B3GAT1: variants seen among roughly 807,000 people sequenced by gnomAD.
B3GAT1 encodes beta-1,3-glucuronyltransferase 1.
Under a neutral mutation model 28.4 loss-of-function variants are expected in B3GAT1, and 11 were observed. That is an observed-to-expected ratio of 0.39 (90% CI 0.24 to 0.64). The LOEUF (loss-of-function observed/expected upper bound fraction) is 0.64, where lower values mean the gene tolerates loss of function less well. B3GAT1 is among the 30% of genes least tolerant of loss of function. The probability of loss-of-function intolerance (pLI) is 0.50; values close to 1 mark genes in which losing one functional copy is unlikely to be tolerated. For missense variants in B3GAT1, 375 were observed against 491.0 expected (o/e 0.76, Z 2.23); for synonymous variants, 255 against 223.1 (o/e 1.14, Z -1.27).
chr11:134,399,224 C>T (rs899633613), intron 1 of B3GAT1, among the ~76,000 whole-genome samples: 2 of 152,200 alleles, frequency 1.3e-5, no homozygotes, highest in Non-Finnish European at 2.9e-5. Context: ...GTAGAATCAG[C>T]CGTGCACATC....
chr11:134,402,897 A>T (rs990895593), intron 1 of B3GAT1, among the ~76,000 whole-genome samples: 9 of 149,180 alleles, frequency 6.0e-5, no homozygotes, highest in African/African-American at 2.3e-4. Context: ...TGGGCAACAG[A>T]GCGAGACTCT....
At chr11:134,389,942 C>G (rs1038983748) in intron 1 of B3GAT1, 5 of 152,246 alleles carry the variant, frequency 3.3e-5, no homozygotes, top group African/African-American at 1.2e-4. Flanking sequence ...GCATCCCCTC[C>G]ATTAAGGAGC....
At position 134,384,168 on chromosome 11, in the gene B3GAT1, G is replaced by A. The variant is rs753312357; in HGVS notation, c.133C>T (p.Arg45Cys). ...VHKDEGSDPRRETPPGADPRE... is the reference protein window; with the variant it reads ...VHKDEGSDPRCETPPGADPRE... ...GGGTCGGCGCCGGGCGGCGTTTCGCGTCGGGGGTCACTGCCCTCATCTGCG... is the reference window on the plus strand; with the variant it reads ...GGGTCGGCGCCGGGCGGCGTTTCGCATCGGGGGTCACTGCCCTCATCTGCG... Residue 45 changes from arginine (R) to cysteine (C), a missense_variant, in exon 3 of 6, where the codon CGC becomes TGC. Transcript: ENST00000312527. 1.3e-6 allele frequency: 2 copies of A among 1,547,872 alleles called. No homozygotes were observed. Among genetic ancestry groups the A allele is most frequent in the African/African-American group, 1.3e-5 (1 of 74,310 alleles).
At position 134,383,853 on chromosome 11, in the gene B3GAT1, G is replaced by C. The variant is rs751288572; in HGVS notation, c.448C>G (p.Arg150Gly). The C allele has an allele frequency of 1.3e-6, 2 of 1,595,958 alleles. No homozygotes were observed. The highest frequency in any genetic ancestry group is 1.7e-5 in the Admixed American group (1 of 58,882). Reference protein sequence around the residue: ...NYTHLHVETPRNYKLRGDARD... With the variant: ...NYTHLHVETPGNYKLRGDARD... ...GCGTCTCCGCGCAGCTTGTAGTTGC[G>C]GGGCGTCTCCACGTGCAGGTGCGTG... The change falls in exon 3 of 6, where the codon CGC (arginine) becomes GGC (glycine). Residue 150 changes from arginine (R) to glycine (G), a missense_variant. Physicochemically the swap from Arg to Gly is moderately radical, Grantham distance 125. Transcript: ENST00000312527.
In B3GAT1 at chr11:134,382,992, C is replaced by G. The variant is rs149652609; in HGVS notation, c.636G>C (p.Arg212Ser). The part of the protein sequence containing the change: ...LELFEEMRST[R>S]RVSVWPVAFV... ...AGGCGACGGGCCACACGGACACCCT[C>G]CTGGTGCTGCGCATCTACAAGGGGG... Residue 212 changes from arginine (R) to serine (S), a missense_variant, in exon 4 of 6, where the codon AGG becomes AGC. Arg to Ser is a moderately radical substitution (Grantham distance 110). Transcript: ENST00000312527. 2.2e-5 allele frequency: 35 copies of G among 1,570,476 alleles called. No individual in the cohort carries two copies. Among genetic ancestry groups the G allele is most frequent in the Non-Finnish European group, 2.9e-5 (33 of 1,156,514 alleles).
chr11:134,382,233 G>A lies in B3GAT1; in HGVS notation c.919-209C>T, dbSNP rs543136839. ...CCCCTCATTTTTGCTGTTTTTACAT[G>A]TGATGCCTTCGGAATACCTGCTGGA... On this transcript the variant is annotated intron_variant, in intron 4 of 5. Transcript: ENST00000312527. Among the ~76,000 whole-genome samples the A allele has an allele frequency of 2.6e-5, 4 of 152,232 alleles. No individual in the cohort carries two copies. In the East Asian group the frequency reaches 5.8e-4, roughly 22 times the overall value.
At chr11:134,384,256 C>G in intron 2 of B3GAT1, 68 bp from the exon 3 acceptor site, 1 of 1,471,298 alleles carries the variant, frequency 6.8e-7, no homozygotes, top group East Asian at 2.4e-5. Context: ...CAGAGCGGGA[C>G]GCCACCCACC....
At chr11:134,383,068 C>A in intron 3 of B3GAT1, 62 bp from the exon 4 acceptor site, 1 of 1,464,116 alleles carries the variant, frequency 6.8e-7, no homozygotes, top group South Asian at 1.4e-5. Context: ...CCGCGCGTGC[C>A]CAAGGGAGGC....
At chr11:134,394,263 C>T (rs1944462831) in intron 1 of B3GAT1, among the ~76,000 whole-genome samples, 1 of 152,232 alleles carries the variant, frequency 6.6e-6, no homozygotes. Flanking sequence ...CCCAGTCCCT[C>T]GATGTTCAGA....
intron 1 of B3GAT1, among the ~76,000 whole-genome samples, chr11:134,395,109 C>G (rs986734205): frequency 2.6e-5 from 4 of 152,172 alleles, no homozygotes; most frequent in Non-Finnish European, 4.4e-5. Context: ...AGCAGTTCAT[C>G]CACTCACCCC....
chr11:134,407,560 G>A (rs1201505746), intron 1 of B3GAT1, among the ~76,000 whole-genome samples: 2 of 152,230 alleles, frequency 1.3e-5, no homozygotes, highest in African/African-American at 4.8e-5. Flanking sequence ...TCTTGATCCA[G>A]ACTCATACTC....
intron 1 of B3GAT1, among the ~76,000 whole-genome samples, chr11:134,399,449 C>T (rs1171042517): frequency 6.6e-6 from 1 of 152,216 alleles, no homozygotes; most frequent in Admixed American, 6.5e-5. Context: ...CACCACAGGG[C>T]GCCTGCTCAG....
At chr11:134,407,863 C>T (rs1170992031) in intron 1 of B3GAT1, among the ~76,000 whole-genome samples, 1 of 152,158 alleles carries the variant, frequency 6.6e-6, no homozygotes, top group Non-Finnish European at 1.5e-5. Context: ...ACCGTAAGTG[C>T]TTGGTCAGTG....
At chr11:134,399,425 A>C (rs1944566371) in intron 1 of B3GAT1, among the ~76,000 whole-genome samples, 1 of 152,210 alleles carries the variant, frequency 6.6e-6, no homozygotes, top group Non-Finnish European at 1.5e-5. Flanking sequence ...TGCTGCCTCC[A>C]GTGGGCGCAC....
intron 1 of B3GAT1, among the ~76,000 whole-genome samples, chr11:134,407,074 C>T (rs1318606757): frequency 6.6e-6 from 1 of 152,260 alleles, no homozygotes. Context: ...AGATGGCAGC[C>T]TCTAGCCACA....
At chr11:134,406,553 C>T (rs1307161292) in intron 1 of B3GAT1, among the ~76,000 whole-genome samples, 7 of 144,822 alleles carry the variant, frequency 4.8e-5, no homozygotes, top group Admixed American at 4.2e-4. Flanking sequence ...GGTGGGGGGG[C>T]GGCCTGGCAG....
chr11:134,396,981 T>A (rs1591644735), intron 1 of B3GAT1, among the ~76,000 whole-genome samples: 1 of 152,292 alleles, frequency 6.6e-6, no homozygotes, highest in East Asian at 1.9e-4. Flanking sequence ...GCATGTCCCA[T>A]TGTGACCTAA....
At chr11:134,392,790 G>A (rs1272634869) in intron 1 of B3GAT1, among the ~76,000 whole-genome samples, 5 of 152,178 alleles carry the variant, frequency 3.3e-5, no homozygotes, top group Admixed American at 3.3e-4. Context: ...TGTGAGGCTG[G>A]AGCATGTGCA....
intron 1 of B3GAT1, among the ~76,000 whole-genome samples, chr11:134,392,705 C>G (rs7103855): frequency 0.12 from 18,570 of 151,924 alleles, 2,127 homozygotes; most frequent in African/African-American, 0.31. Context: ...GGGTGCTGTG[C>G]GCTGTGAATA....
Sources: allele counts gnomAD v4.1 joint callset (sites outside exome capture counted in the v4.1 genomes callset), GRCh38; gene constraint gnomAD v4.1.1; transcripts MANE v1.5; gene names NCBI Gene and HGNC (gene_info 2026-07-23, HGNC 2026-07-21).